NOL11: variants seen among roughly 807,000 people sequenced by gnomAD.
NOL11 encodes nucleolar protein 11.
NOL11 carries 42 observed loss-of-function variants against 93.0 expected under a neutral mutation model. The ratio of observed to expected loss-of-function variants is 0.45; its 90% CI spans 0.35 to 0.58. The LOEUF (loss-of-function observed/expected upper bound fraction) is 0.58. Among genes scored for constraint, NOL11 ranks in the 20% least tolerant of loss-of-function variants. NOL11 has a pLI of 0.00. For missense variants in NOL11, 775 were observed against 841.8 expected, an observed-to-expected ratio of 0.92 and a Z score of 0.98; for synonymous variants, 296 against 293.7, an observed-to-expected ratio of 1.01 and a Z score of -0.08.
intron 6 of NOL11, among the ~76,000 whole-genome samples, chr17:67,725,283 C>T (rs1350595107): frequency 1.3e-5 from 2 of 151,718 alleles, no homozygotes; most frequent in Non-Finnish European, 2.9e-5. Context: ...GACAGATGGG[C>T]AAAAGGAGAC....
At chr17:67,739,768 T>G (rs562102782) in intron 16 of NOL11, among the ~76,000 whole-genome samples, 160 bp downstream of exon 16, 2 of 151,966 alleles carry the variant, frequency 1.3e-5, no homozygotes, top group South Asian at 4.2e-4. Context: ...AAATGGGGAG[T>G]CTCTCATTTA....
rs781400042 is a variant in NOL11, at chr17:67,717,973, C to T, written c.26C>T (p.Thr9Met). 92 of 1,614,094 alleles carry T rather than the reference C, an allele frequency of 5.7e-5. 2 individuals carry two copies. The South Asian group carries it at 7.8e-4, about 14-fold the overall frequency. MAALEEEF[T>M]LSSVVLSAGP... is the part of the protein sequence containing the mutation. Reference sequence around the variant, plus strand: ...ATGGCAGCGCTGGAGGAAGAATTCACGTTGTCTTCGGTAGTCCTGAGCGCC... The same window carrying T: ...ATGGCAGCGCTGGAGGAAGAATTCATGTTGTCTTCGGTAGTCCTGAGCGCC... Residue 9 changes from threonine to methionine, a missense_variant, in exon 1 of 18, where the codon ACG (threonine) becomes ATG (methionine). Thr to Met is a moderately conservative substitution (Grantham distance 81). Transcript: ENST00000253247.
chr17:67,743,268 T>A, intron 16 of NOL11: 1 of 350,482 alleles, frequency 2.9e-6, no homozygotes, highest in Non-Finnish European at 5.1e-6. Flanking sequence ...ATCCCATCTC[T>A]AAAATTTTTT....
rs2043188784 is a variant in NOL11, at chr17:67,718,019, C to T, written c.72C>T (p.Gly24=). ...GCGCCGGGCCTGAAGGACTCCTAGG[C>T]GTGGAGCAGAGCGACAAAACAGACC... ...VLSAGPEGLL[G]VEQSDKTDQF... The change falls in exon 1 of 18, where the codon GGC becomes GGT. Residue 24 remains glycine, a synonymous_variant. Transcript: ENST00000253247. 1.2e-6 allele frequency: 2 copies of T among 1,614,180 alleles called. No individual in the cohort carries two copies. Among genetic ancestry groups the T allele is most frequent in the South Asian group, 1.1e-5 (1 of 91,088 alleles).
chr17:67,727,670 G>A (rs1010522169), intron 7 of NOL11, among the ~76,000 whole-genome samples: 2 of 149,626 alleles, frequency 1.3e-5, no homozygotes, highest in African/African-American at 5.0e-5. Flanking sequence ...AAAAAAAAAA[G>A]ATAGGAGCTC....
rs141291873 is a variant in NOL11 at position 67,738,294 on chromosome 17, C to T, written c.1702C>T (p.Pro568Ser). 4.2e-5 allele frequency: 67 copies of T among 1,613,872 alleles called. No individual in the cohort carries two copies. The African/African-American group carries it at 7.1e-4, about 17-fold the overall frequency. ...NNCDQELNKK[P>S]QDETKESTSC... is the part of the protein sequence containing the mutation. ...CTGTGATCAAGAGTTAAATAAAAAG[C>T]CCCAGGACGAAACAAAGGAGAGCAC... Residue 568 changes from proline to serine, a missense_variant, in exon 14 of 18, where the codon CCC becomes TCC. Coordinates refer to ENST00000253247, the MANE Select transcript of NOL11 (RefSeq NM_015462.5).
chr17:67,726,536 A>G lies in NOL11; in HGVS notation c.741A>G (p.Lys247=). Residue 247 remains lysine (K), a synonymous_variant, in exon 7 of 18, where the codon AAA becomes AAG. Coordinates refer to ENST00000253247, the MANE Select transcript of NOL11 (RefSeq NM_015462.5). ...CAGAAAAAAATCAGAGCTTAGTTAA[A>G]TCACTGCTGCTCAAGGCTGTTGTAT... is the stretch of plus-strand genomic sequence containing the variant. The part of the protein sequence containing the change: ...ADPEKNQSLV[K]SLLLKAVVSG... 1 of 1,614,186 alleles carries G rather than the reference A, an allele frequency of 6.2e-7. No individual in the cohort carries two copies. Among genetic ancestry groups the G allele is most frequent in the Non-Finnish European group, 8.5e-7 (1 of 1,180,026 alleles).
intron 14 of NOL11, 60 bp downstream of exon 14, chr17:67,738,415 G>A: frequency 9.5e-7 from 1 of 1,054,904 alleles, no homozygotes; most frequent in South Asian, 1.5e-5. Flanking sequence ...TATATGCCAA[G>A]CAGTAACCAA....
Position 67,721,505 on chromosome 17 carries a change from T to C in NOL11, c.440T>C (p.Ile147Thr). The C allele has an allele frequency of 1.2e-6, 2 of 1,613,632 alleles. No homozygotes were observed. The highest frequency in any genetic ancestry group is 1.3e-5 in the African/African-American group (1 of 75,028). The change falls in exon 4 of 18, where the codon ATC (isoleucine) becomes ACC (threonine). Residue 147 changes from isoleucine to threonine, a missense_variant. Around this residue, in one of 2 missense-constraint regions of NOL11, gnomAD observed 359 missense variants for 316.5 expected, o/e 1.13. Transcript: ENST00000253247. Reference protein sequence around the residue: ...ADPQQKIETVISDEEVIKWTK... With the variant: ...ADPQQKIETVTSDEEVIKWTK... ...CCCCAGCAGAAAATTGAAACTGTTA[T>C]CTCTGATGAAGAAGTGATTAAGTAA...
chr17:67,736,455 C>T (rs2055203122), intron 9 of NOL11: 4 of 526,482 alleles, frequency 7.6e-6, no homozygotes, highest in South Asian at 2.8e-5. Context: ...CCCTTGTTTA[C>T]CGATGGCCTC....
chr17:67,735,520 C>A (rs1044298406), intron 8 of NOL11, among the ~76,000 whole-genome samples: 11 of 151,380 alleles, frequency 7.3e-5, no homozygotes, highest in Non-Finnish European at 1.5e-4. Flanking sequence ...TTTTTACAAT[C>A]ATAAAATATA....
At position 67,738,285 on chromosome 17, in the gene NOL11, A is replaced by C; in HGVS notation, c.1693A>C (p.Asn565His). Reference protein sequence around the residue: ...DKCNNCDQELNKKPQDETKES... With the variant: ...DKCNNCDQELHKKPQDETKES... Reference sequence around the variant, plus strand: ...ATGCAATAACTGTGATCAAGAGTTAAATAAAAAGCCCCAGGACGAAACAAA... The same window carrying C: ...ATGCAATAACTGTGATCAAGAGTTACATAAAAAGCCCCAGGACGAAACAAA... The change falls in exon 14 of 18, where the codon AAT (asparagine) becomes CAT (histidine). Residue 565 changes from asparagine to histidine, a missense_variant. Asn to His is a moderately conservative substitution (Grantham distance 68, BLOSUM62 1). Around this residue, in one of 2 missense-constraint regions of NOL11, gnomAD observed 416 missense variants for 525.2 expected, o/e 0.79. Transcript: ENST00000253247. 1 of 1,614,110 alleles carries C rather than the reference A, an allele frequency of 6.2e-7. No individual in the cohort carries two copies. Among genetic ancestry groups the C allele is most frequent in the East Asian group, 2.2e-5 (1 of 44,876 alleles).
intron 7 of NOL11, among the ~76,000 whole-genome samples, chr17:67,730,834 T>G (rs2143113089): frequency 6.6e-6 from 1 of 152,352 alleles, no homozygotes; most frequent in South Asian, 2.1e-4. Context: ...TGTTTAACTT[T>G]TTGAAGAACT....
intron 3 of NOL11, among the ~76,000 whole-genome samples, chr17:67,720,693 G>A (rs1428549397): frequency 1.3e-5 from 2 of 152,196 alleles, no homozygotes; most frequent in Non-Finnish European, 2.9e-5. Flanking sequence ...ATGACCTAGA[G>A]TGTGTTCATT....
At chr17:67,725,373 C>A (rs2055082063) in intron 6 of NOL11, among the ~76,000 whole-genome samples, 1 of 152,018 alleles carries the variant, frequency 6.6e-6, no homozygotes, top group African/African-American at 2.4e-5. Context: ...AGTATAACCC[C>A]AGTCTTAGGC....
chr17:67,725,487 CAA>C (rs1192831418), intron 6 of NOL11, among the ~76,000 whole-genome samples: 1 of 152,074 alleles, frequency 6.6e-6, no homozygotes, highest in Admixed American at 6.6e-5. Context: ...GAGAAGTAAA[CAA>C]GAGCAATACA....
At chr17:67,728,071 TA>T (rs1411041658) in intron 7 of NOL11, among the ~76,000 whole-genome samples, 2 of 151,998 alleles carry the variant, frequency 1.3e-5, no homozygotes, top group African/African-American at 4.8e-5. Context: ...CCATCCTGGC[TA>T]ACATGGTGAA....
At chr17:67,741,851 A>G (rs1044545777) in intron 16 of NOL11, among the ~76,000 whole-genome samples, 2 of 152,200 alleles carry the variant, frequency 1.3e-5, no homozygotes, top group African/African-American at 2.4e-5. Flanking sequence ...GGCTTAAGCC[A>G]CCGCACCCGG....
chr17:67,733,986 G>A (rs549138469), intron 7 of NOL11, among the ~76,000 whole-genome samples: 112 of 152,192 alleles, frequency 7.4e-4, no homozygotes, highest in African/African-American at 2.6e-3. Context: ...TTTGGTATCA[G>A]AGCAACCAAA....
Sources: gnomAD v4.1 joint callset for allele counts (sites outside exome capture counted in the v4.1 genomes callset) on GRCh38, gnomAD v4.1.1 for gene constraint, gnomAD v4.1.1 regional missense constraint, MANE v1.5 for transcripts, NCBI Gene and HGNC (gene_info 2026-07-23, HGNC 2026-07-21) for gene names.